Variants in GLDC observed in about 807,000 individuals in gnomAD.
The protein encoded by GLDC is glycine decarboxylase.
GLDC carries 104 observed loss-of-function variants against 121.3 expected under a neutral mutation model. The ratio of observed to expected loss-of-function variants is 0.86; its 90% CI spans 0.73 to 1.01. GLDC has a LOEUF of 1.01. GLDC is among the 50% of genes least tolerant of loss of function. GLDC has a pLI of 0.00. For missense variants in GLDC, 1,429 were observed against 1,306.6 expected, an observed-to-expected ratio of 1.09 and a Z score of -1.44; for synonymous variants, 546 against 480.6, an observed-to-expected ratio of 1.14 and a Z score of -1.78.
chr9:6,624,542 G>A (rs182756811), intron 2 of GLDC, among the ~76,000 whole-genome samples: 2 of 152,272 alleles, frequency 1.3e-5, no homozygotes, highest in Admixed American at 6.5e-5. Context: ...TTCTGACTAC[G>A]GAACTGGGAG....
Position 6,565,395 on chromosome 9 carries a change from T to G in GLDC, c.1885A>C (p.Ile629Leu), listed in dbSNP as rs761680597. 21 of 1,613,876 alleles carry G rather than the reference T, an allele frequency of 1.3e-5. No individual in the cohort carries two copies. Among genetic ancestry groups the G allele is most frequent in the Non-Finnish European group, 1.8e-5 (21 of 1,179,788 alleles). The change falls in exon 16 of 25, where the codon ATC becomes CTC. Residue 629 changes from isoleucine (I) to leucine (L), a missense_variant. Transcript: ENST00000321612. ...CCTTTCTGGTTTAAGTAGGCTCGGA[T>G]AGTGGCCAGTCCAGCATATTCTCCC... is the stretch of plus-strand genomic sequence containing the variant. ...AQGEYAGLAT[I>L]RAYLNQKGEG...
intron 5 of GLDC, chr9:6,605,501 C>T (rs1818711779): frequency 5.1e-6 from 3 of 592,308 alleles, no homozygotes; most frequent in South Asian, 1.8e-5. Context: ...TATCCTCTGA[C>T]TCCCCTTTGC....
At chr9:6,567,060 A>G (rs1817868774) in intron 15 of GLDC, 1 of 152,110 alleles carries the variant, frequency 6.6e-6, no homozygotes, top group African/African-American at 2.4e-5. Context: ...GAGTTGTGGG[A>G]GCAAATGCTG....
At chr9:6,577,245 T>C (rs1464285379) in intron 15 of GLDC, among the ~76,000 whole-genome samples, 14 of 152,106 alleles carry the variant, frequency 9.2e-5, no homozygotes, top group Admixed American at 8.5e-4. Context: ...AACCAGAGAG[T>C]TGTATTCTGA....
chr9:6,602,435 G>T (rs1429024066), intron 7 of GLDC, among the ~76,000 whole-genome samples: 1 of 149,602 alleles, frequency 6.7e-6, no homozygotes, highest in South Asian at 2.1e-4. Context: ...GGAGTGCAAT[G>T]GCGTGATCTC....
intron 2 of GLDC, among the ~76,000 whole-genome samples, chr9:6,637,404 C>CAA (rs71328199): frequency 7.9e-5 from 11 of 139,936 alleles, no homozygotes; most frequent in African/African-American, 2.8e-4. Flanking sequence ...AGACTTCTCT[C>CAA]AAAAAAAAAA....
At chr9:6,546,510 C>T (rs1328230780) in intron 21 of GLDC, among the ~76,000 whole-genome samples, 3 of 151,888 alleles carry the variant, frequency 2.0e-5, no homozygotes, top group East Asian at 1.9e-4. Context: ...CCACCTCCGA[C>T]ATCTTGTCCT....
chr9:6,535,782 C>A (rs977587471), intron 23 of GLDC, among the ~76,000 whole-genome samples: 1 of 152,060 alleles, frequency 6.6e-6, no homozygotes, highest in Admixed American at 6.5e-5. Context: ...TTATTTATGC[C>A]ATAATCTCAC....
In GLDC at chr9:6,588,292, C is replaced by A. The variant is rs78601535; in HGVS notation, c.1707+109G>T. On this transcript the variant is annotated intron_variant, in intron 14 of 24. Transcript: ENST00000321612. ...AAGGTAAAGAATTATTAAAATAGTT[C>A]TTCAATCACAGAATCACAGTCCCAG... 808 of 825,946 alleles carry A rather than the reference C, an allele frequency of 9.8e-4. 6 individuals are homozygous for A. The African/African-American group carries it at 0.012, about 12-fold the overall frequency. 51.2% of individuals were successfully genotyped at this position (825,946 alleles called of 1,614,324 possible).
At chr9:6,593,774 C>A (rs751941789) in intron 9 of GLDC, among the ~76,000 whole-genome samples, 1 of 151,008 alleles carries the variant, frequency 6.6e-6, no homozygotes, top group Non-Finnish European at 1.5e-5. Flanking sequence ...CACACTGCAA[C>A]CTCCGCCTCC....
intron 15 of GLDC, among the ~76,000 whole-genome samples, chr9:6,584,453 G>A (rs188989833): frequency 7.2e-4 from 110 of 152,268 alleles, no homozygotes; most frequent in African/African-American, 2.6e-3. Context: ...TGTAAGCCCT[G>A]TTGTAGACAC....
intron 15 of GLDC, among the ~76,000 whole-genome samples, chr9:6,576,583 C>G (rs1185029837): frequency 6.6e-6 from 1 of 152,280 alleles, no homozygotes; most frequent in Admixed American, 6.5e-5. Context: ...TGTCCTGCCT[C>G]AGCCTCCCGA....
intron 15 of GLDC, among the ~76,000 whole-genome samples, chr9:6,581,787 C>A (rs1426973213): frequency 6.6e-6 from 1 of 152,146 alleles, no homozygotes; most frequent in Non-Finnish European, 1.5e-5. Flanking sequence ...AGACATTATG[C>A]TAGATAAGGT....
At chr9:6,632,522 A>G (rs1199905692) in intron 2 of GLDC, among the ~76,000 whole-genome samples, 1 of 152,274 alleles carries the variant, frequency 6.6e-6, no homozygotes, top group African/African-American at 2.4e-5. Context: ...AACTTGAGTC[A>G]AAATGAGATC....
chr9:6,546,776 A>G (rs949212334), intron 21 of GLDC, among the ~76,000 whole-genome samples: 8 of 151,832 alleles, frequency 5.3e-5, no homozygotes, highest in Non-Finnish European at 1.0e-4. Context: ...AGCCCGGGCA[A>G]CAGGATGAAA....
At chr9:6,639,450 G>A in intron 2 of GLDC, 2 of 906,194 alleles carry the variant, frequency 2.2e-6, no homozygotes, top group Non-Finnish European at 3.7e-6. Context: ...GGATGTTAAA[G>A]TCAACAAGCA....
At chr9:6,605,835 A>C (rs1344866598) in intron 5 of GLDC, 3 of 200,368 alleles carry the variant, frequency 1.5e-5, no homozygotes, top group Non-Finnish European at 3.1e-5. Context: ...GCACGAAAGA[A>C]AAGTACTACA....
chr9:6,564,770 A>C (rs1341160811), intron 16 of GLDC, among the ~76,000 whole-genome samples: 4 of 152,218 alleles, frequency 2.6e-5, no homozygotes, highest in Non-Finnish European at 5.9e-5. Flanking sequence ...GCTGGTCCCC[A>C]CAGTGGTCCC....
rs917478755 is a variant in GLDC at position 6,606,462 on chromosome 9, C to A, written c.713+130G>T. ...TGAGAGGTAAGGCAAAACTCAGCAA[C>A]CCCAATTTAAACAGCAAAAAACCCT... On this transcript the variant is annotated intron_variant, in intron 5 of 24. Transcript: ENST00000321612. 4 of 735,158 alleles carry A rather than the reference C, an allele frequency of 5.4e-6. No homozygotes were observed. The South Asian group carries it at 5.9e-5, about 11-fold the overall frequency. The allele number at this position is 735,158 out of a possible 1,614,324, so 45.5% of individuals were successfully genotyped here.
Sources: gnomAD v4.1 joint callset for allele counts (sites outside exome capture counted in the v4.1 genomes callset) on GRCh38, gnomAD v4.1.1 for gene constraint, MANE v1.5 for transcripts, NCBI Gene and HGNC (gene_info 2026-07-23, HGNC 2026-07-21) for gene names.